NR3C2: variants seen among roughly 807,000 people sequenced by gnomAD.
NR3C2 encodes nuclear receptor subfamily 3 group C member 2, also known as mineralocorticoid receptor.
NR3C2 carries 15 observed loss-of-function variants against 86.4 expected under a neutral mutation model. The ratio of observed to expected loss-of-function variants is 0.17; its 90% CI spans 0.12 to 0.27. The LOEUF (loss-of-function observed/expected upper bound fraction) is 0.27. NR3C2 is among the 10% of genes least tolerant of loss of function. NR3C2 has a pLI of 1.00. For synonymous variants in NR3C2, 458 were observed against 450.5 expected, an observed-to-expected ratio of 1.02 and a Z score of -0.21; for missense variants, 960 against 1,195.6, an observed-to-expected ratio of 0.80 and a Z score of 2.91.
chr4:148,337,836 T>C (rs1413696508), intron 2 of NR3C2, among the ~76,000 whole-genome samples: 4 of 152,218 alleles, frequency 2.6e-5, no homozygotes, highest in Non-Finnish European at 4.4e-5. Flanking sequence ...GACTTCACTT[T>C]CTGTTTTTGT....
chr4:148,324,365 GTTTGTGTGTGTGTTCC>G (rs1743839282), intron 2 of NR3C2, among the ~76,000 whole-genome samples: 1 of 72,690 alleles, frequency 1.4e-5, no homozygotes, highest in Non-Finnish European at 3.0e-5. Flanking sequence ...GTGTGTGTGT[GTTTGTGTGTGTGTTCC>G]TGTGTGTATG....
upstream of NR3C2, chr4:148,444,174 G>A (rs1750485927): frequency 1.0e-6 from 1 of 985,372 alleles, no homozygotes; most frequent in African/African-American, 1.7e-5. Context: ...ACGCGAGGCG[G>A]CGGCGGCTCC....
intron 8 of NR3C2, among the ~76,000 whole-genome samples, chr4:148,097,761 T>G (rs1291517947): frequency 2.1e-5 from 3 of 142,308 alleles, no homozygotes; most frequent in South Asian, 2.2e-4. Context: ...GTTTTTTTTT[T>G]TTTTTTTAAG....
At chr4:148,387,656 C>G (rs1364030923) in intron 2 of NR3C2, among the ~76,000 whole-genome samples, 1 of 152,130 alleles carries the variant, frequency 6.6e-6, no homozygotes, top group East Asian at 1.9e-4. Flanking sequence ...AACAATATGT[C>G]TCCCTGTAAA....
rs1048509543 is a variant in NR3C2, at chr4:148,332,303, A to G, written c.1758-72186T>C. Among the ~76,000 whole-genome samples the G allele has an allele frequency of 5.3e-4, 81 of 152,336 alleles. 1 individual carries two copies. Among genetic ancestry groups the G allele is most frequent in the African/African-American group, 1.9e-3 (78 of 41,586 alleles). ...TCACTTTTTTGCCTGAGATTATAGTACTTATAATGATCACTACCTCTGGTA... is the reference window on the plus strand; with the variant it reads ...TCACTTTTTTGCCTGAGATTATAGTGCTTATAATGATCACTACCTCTGGTA... On this transcript the variant is annotated intron_variant, in intron 2 of 8. Transcript: ENST00000358102.
intron 2 of NR3C2, among the ~76,000 whole-genome samples, chr4:148,316,246 T>C (rs1743166329): frequency 6.6e-6 from 1 of 152,174 alleles, no homozygotes; most frequent in Non-Finnish European, 1.5e-5. Context: ...AGGAAATACA[T>C]ATAATATAGT....
chr4:148,149,492 A>T (rs1734012286), intron 6 of NR3C2, among the ~76,000 whole-genome samples: 1 of 152,212 alleles, frequency 6.6e-6, no homozygotes, highest in African/African-American at 2.4e-5. Context: ...TTGTACTCAG[A>T]TATTTACAAA....
At chr4:148,418,055 T>G (rs1361828300) in intron 2 of NR3C2, among the ~76,000 whole-genome samples, 1 of 152,154 alleles carries the variant, frequency 6.6e-6, no homozygotes, top group Non-Finnish European at 1.5e-5. Flanking sequence ...TATTGATGTT[T>G]GTGAATGACA....
intron 6 of NR3C2, among the ~76,000 whole-genome samples, chr4:148,148,682 C>G (rs1733976745): frequency 6.6e-6 from 1 of 152,164 alleles, no homozygotes; most frequent in African/African-American, 2.4e-5. Context: ...CTGGGGAACA[C>G]CAGTTTAATC....
rs536163645 is a variant in NR3C2, at chr4:148,402,074, C to T, written c.1757+33030G>A. Reference sequence around the variant, plus strand: ...ACATGATCTTCAGTATGGAAGTACCCAGATTGTAGGTTCCACAATGGGGCT... The same window carrying T: ...ACATGATCTTCAGTATGGAAGTACCTAGATTGTAGGTTCCACAATGGGGCT... On this transcript the variant is annotated intron_variant, in intron 2 of 8. Coordinates refer to ENST00000358102, the MANE Select transcript of NR3C2 (RefSeq NM_000901.5). Among the ~76,000 whole-genome samples, 23 of 152,180 alleles carry T rather than the reference C, an allele frequency of 1.5e-4. No individual in the cohort carries two copies. The South Asian group carries it at 4.6e-3, about 30-fold the overall frequency.
intron 8 of NR3C2, among the ~76,000 whole-genome samples, chr4:148,097,065 T>A (rs1488628394): frequency 6.6e-6 from 1 of 152,212 alleles, no homozygotes; most frequent in Non-Finnish European, 1.5e-5. Context: ...AATTAAGTGA[T>A]ATGGTGGTAC....
At chr4:148,093,005 A>G (rs1303032693) in intron 8 of NR3C2, among the ~76,000 whole-genome samples, 1 of 152,226 alleles carries the variant, frequency 6.6e-6, no homozygotes, top group Non-Finnish European at 1.5e-5. Context: ...AACCCTAATT[A>G]CAATCAGCAA....
At chr4:148,197,618 G>A (rs1255599158) in intron 3 of NR3C2, among the ~76,000 whole-genome samples, 1 of 152,106 alleles carries the variant, frequency 6.6e-6, no homozygotes, top group South Asian at 2.1e-4. Context: ...ACCTTCAAAT[G>A]CCAGGATTGT....
intron 2 of NR3C2, among the ~76,000 whole-genome samples, chr4:148,388,282 C>A (rs1747368653): frequency 6.6e-6 from 1 of 152,172 alleles, no homozygotes; most frequent in Admixed American, 6.5e-5. Flanking sequence ...TTGGATTTTA[C>A]ACTTTTTAAA....
intron 4 of NR3C2, among the ~76,000 whole-genome samples, chr4:148,178,636 A>G (rs1010374749): frequency 6.6e-6 from 1 of 151,406 alleles, no homozygotes; most frequent in African/African-American, 2.4e-5. Flanking sequence ...GCTTTCTACC[A>G]AAGGGCCCTG....
intron 2 of NR3C2, among the ~76,000 whole-genome samples, chr4:148,381,864 A>G (rs907402319): frequency 6.6e-6 from 1 of 152,046 alleles, no homozygotes; most frequent in Admixed American, 6.5e-5. Context: ...AACCACCCCA[A>G]TATACCTTCA....
At chr4:148,353,916 C>T (rs1482209252) in intron 2 of NR3C2, among the ~76,000 whole-genome samples, 1 of 152,106 alleles carries the variant, frequency 6.6e-6, no homozygotes, top group Non-Finnish European at 1.5e-5. Context: ...TACTTAAAGG[C>T]TCTTTAATTT....
intron 2 of NR3C2, among the ~76,000 whole-genome samples, chr4:148,274,282 T>C (rs1006886727): frequency 1.2e-4 from 19 of 152,282 alleles, no homozygotes; most frequent in Non-Finnish European, 2.9e-5. Context: ...AAGACAGGTG[T>C]ATATAGGTTT....
At chr4:148,086,939 GAGAA>G (rs1487785695) in intron 8 of NR3C2, among the ~76,000 whole-genome samples, 1 of 152,172 alleles carries the variant, frequency 6.6e-6, no homozygotes, top group South Asian at 2.1e-4. Context: ...AATCAGGCAA[GAGAA>G]AGAAAGAAAG....
Sources: allele counts gnomAD v4.1 joint callset (sites outside exome capture counted in the v4.1 genomes callset), GRCh38; gene constraint gnomAD v4.1.1; transcripts MANE v1.5; gene names NCBI Gene and HGNC (gene_info 2026-07-23, HGNC 2026-07-21).